GMCL1: variants seen among roughly 807,000 people sequenced by gnomAD.
GMCL1 encodes germ cell-less 1, spermatogenesis associated.
A neutral mutation model predicts 75.5 loss-of-function variants in GMCL1; 54 were observed. The ratio of observed to expected loss-of-function variants is 0.71; its 90% confidence interval spans 0.57 to 0.90. The LOEUF (loss-of-function observed/expected upper bound fraction) is 0.90, where lower values mean the gene tolerates loss of function less well. Ranked by LOEUF, GMCL1 falls within the 40% of genes least tolerant of loss-of-function variation. The pLI, the probability that GMCL1 is intolerant of heterozygous loss-of-function variation, is 0.00. For missense variants in GMCL1, 537 were observed against 622.7 expected, an observed-to-expected ratio of 0.86 and a Z score of 1.47; for synonymous variants, 210 against 209.6, an observed-to-expected ratio of 1.00 and a Z score of -0.02.
chr2:69,844,159 AT>A lies in GMCL1; in HGVS notation c.722del (p.Met241ArgfsTer14), dbSNP rs1675066513. 1 of 1,575,570 alleles carries A rather than the reference AT, an allele frequency of 6.3e-7. No homozygotes were observed. Among genetic ancestry groups the A allele is most frequent in the Admixed American group, 1.8e-5 (1 of 54,494 alleles). On this transcript the variant is annotated frameshift_variant, in exon 6 of 14. Coordinates refer to ENST00000282570, the MANE Select transcript of GMCL1 (RefSeq NM_178439.5). LOFTEE classifies it high-confidence loss of function. ...CCTTGAATGGCTTCTAAACAATTTGATGACTCACCAGAATGTTGAACTTTTT... is the reference window on the plus strand; with the variant it reads ...CCTTGAATGGCTTCTAAACAATTTGAGACTCACCAGAATGTTGAACTTTTT... ...KCLEWLLNNL[M>X]THQNVELFKE...
At chr2:69,843,391 TTAAA>T in intron 5 of GMCL1, 130 bp downstream of exon 5, 1 of 560,878 alleles carries the variant, frequency 1.8e-6, no homozygotes. Flanking sequence ...TGGAATTTTA[TTAAA>T]TAAAAAGCCC....
intron 9 of GMCL1, among the ~76,000 whole-genome samples, chr2:69,856,888 C>G (rs1675486419): frequency 6.6e-6 from 1 of 152,070 alleles, no homozygotes; most frequent in South Asian, 2.1e-4. Flanking sequence ...CTCCCCCAAT[C>G]CAGTCACATA....
chr2:69,856,270 T>G (rs1475334460), intron 9 of GMCL1, among the ~76,000 whole-genome samples: 1 of 152,206 alleles, frequency 6.6e-6, no homozygotes, highest in Admixed American at 6.5e-5. Context: ...TGATCATTTT[T>G]CAGAAATAGT....
chr2:69,848,384 T>G (rs1032311030), intron 7 of GMCL1, among the ~76,000 whole-genome samples: 1 of 152,262 alleles, frequency 6.6e-6, no homozygotes, highest in Admixed American at 6.5e-5. Flanking sequence ...CAAGGAACTT[T>G]ACTATCTGGG....
At chr2:69,862,076 T>TC (rs1558547901) in intron 10 of GMCL1, among the ~76,000 whole-genome samples, 3 of 151,942 alleles carry the variant, frequency 2.0e-5, no homozygotes, top group African/African-American at 4.8e-5. Context: ...AACATATGAC[T>TC]CCCCCCACAA....
intron 13 of GMCL1, among the ~76,000 whole-genome samples, chr2:69,877,196 G>A (rs1201239943): frequency 6.6e-6 from 1 of 152,204 alleles, no homozygotes; most frequent in African/African-American, 2.4e-5. Flanking sequence ...GATGCAGATT[G>A]AACCTTTAGG....
chr2:69,850,356 AATGT>A (rs58264997), intron 8 of GMCL1, among the ~76,000 whole-genome samples: 34,902 of 152,038 alleles, frequency 0.23, 4,327 homozygotes, highest in East Asian at 0.39. Flanking sequence ...ACTAAGTTAA[AATGT>A]ATGTATGTTA....
At chr2:69,878,203 T>G (rs1192555413) in intron 13 of GMCL1, among the ~76,000 whole-genome samples, 2 of 152,208 alleles carry the variant, frequency 1.3e-5, no homozygotes, top group African/African-American at 4.8e-5. Context: ...TAATGTATTT[T>G]ATGTTTCAGG....
At chr2:69,870,540 A>G (rs1675954470) in intron 12 of GMCL1, among the ~76,000 whole-genome samples, 1 of 152,202 alleles carries the variant, frequency 6.6e-6, no homozygotes, top group Non-Finnish European at 1.5e-5. Context: ...AAACTTGTGT[A>G]TCAGAGGACA....
At chr2:69,850,699 A>C (rs4853073) in intron 8 of GMCL1, among the ~76,000 whole-genome samples, 10,894 of 152,274 alleles carry the variant, frequency 0.072, 1,028 homozygotes, top group Admixed American at 0.22. Context: ...TGTGCTAATA[A>C]GCTGACTCTG....
Position 69,874,936 on chromosome 2 carries a change from G to A in GMCL1, c.1452+3104G>A, listed in dbSNP as rs182042287. On this transcript the variant is annotated intron_variant, in intron 13 of 13. Transcript: ENST00000282570. ...TTTTTGTATTTTTTTATAGAGACGA[G>A]GTTTTGCCACGTTGCCTGGGCTTGT... Among the ~76,000 whole-genome samples, 8 of 151,746 alleles carry A rather than the reference G, an allele frequency of 5.3e-5. No homozygotes were observed. The East Asian group carries it at 9.7e-4, about 18-fold the overall frequency.
chr2:69,837,253 C>A (rs115394041), intron 1 of GMCL1, among the ~76,000 whole-genome samples: 280 of 152,176 alleles, frequency 1.8e-3, no homozygotes, highest in African/African-American at 6.2e-3. Flanking sequence ...TTAAATTAGT[C>A]CAAAATTGCT....
chr2:69,872,146 G>A lies in GMCL1; in HGVS notation c.1452+314G>A, dbSNP rs370180228. Among the ~76,000 whole-genome samples, 6 of 152,256 alleles carry A rather than the reference G, an allele frequency of 3.9e-5. No homozygotes were observed. In the East Asian group the frequency reaches 1.2e-3, roughly 29 times the overall value. ...ATTCCTAAAATTTTAGGAATCTTAA[G>A]TGCTTTATCCATTGTGTACATAGTG... On this transcript the variant is annotated intron_variant, in intron 13 of 13. Transcript: ENST00000282570.
At chr2:69,867,353 G>A (rs1403339729) in intron 11 of GMCL1, among the ~76,000 whole-genome samples, 1 of 151,750 alleles carries the variant, frequency 6.6e-6, no homozygotes, top group Non-Finnish European at 1.5e-5. Context: ...CCTACCTCAG[G>A]CATCCATTCC....
intron 9 of GMCL1, among the ~76,000 whole-genome samples, chr2:69,857,969 A>G (rs1675527054): frequency 6.6e-6 from 1 of 152,174 alleles, no homozygotes; most frequent in Non-Finnish European, 1.5e-5. Context: ...TTTTCAAATA[A>G]TATGGTTTTA....
At position 69,841,336 on chromosome 2, in the gene GMCL1, ATGACT is replaced by A. The variant is rs138884067; in HGVS notation, c.579+303_579+307del. ...CTAAGGTCATTTACAGATTTCATTA[ATGACT>A]TGACTATTAAGCAGATGGCTTATGA... On this transcript the variant is annotated intron_variant, in intron 4 of 13. Transcript: ENST00000282570. 5.4e-3 allele frequency among the ~76,000 whole-genome samples: 826 copies of A among 152,296 alleles called. 8 individuals carry two copies. Among genetic ancestry groups the A allele is most frequent in the African/African-American group, 0.019 (789 of 41,534 alleles).
In GMCL1 at chr2:69,832,963, G is replaced by C. The variant is rs556848105; in HGVS notation, c.260+2811G>C. On this transcript the variant is annotated intron_variant, in intron 1 of 13. Transcript: ENST00000282570. The stretch of plus-strand genomic sequence containing the variant: ...CACAGAAGGAACAAATTTGGAATAG[G>C]TGCCCCCACCCCTTTCCCAAGCTAA... Among the ~76,000 whole-genome samples the C allele has an allele frequency of 2.0e-5, 3 of 152,166 alleles. No individual in the cohort carries two copies. In the South Asian group the frequency reaches 6.2e-4, roughly 32 times the overall value.
At chr2:69,871,866 A>G (rs1400582631) in intron 13 of GMCL1, 34 bp downstream of exon 13, 1 of 1,265,196 alleles carries the variant, frequency 7.9e-7, no homozygotes, top group African/African-American at 1.5e-5. Context: ...TGTCATCATA[A>G]TATTTGTCTT....
intron 13 of GMCL1, among the ~76,000 whole-genome samples, chr2:69,873,295 A>G (rs1023725618): frequency 2.0e-5 from 3 of 152,224 alleles, no homozygotes; most frequent in African/African-American, 7.2e-5. Context: ...GAGCCAGGGC[A>G]TGAGGGCTGT....
Sources: gnomAD v4.1 joint callset for allele counts (sites outside exome capture counted in the v4.1 genomes callset) on GRCh38, gnomAD v4.1.1 for gene constraint, MANE v1.5 for transcripts, NCBI Gene and HGNC (gene_info 2026-07-23, HGNC 2026-07-21) for gene names.